Variants in CADM1 observed in about 807,000 individuals in gnomAD.
CADM1 encodes cell adhesion molecule 1, also known as TSLC-1.
Under a neutral mutation model 53.1 loss-of-function variants are expected in CADM1, and 15 were observed. That is an observed-to-expected ratio of 0.28 (90% confidence interval 0.19 to 0.44). CADM1 has a LOEUF of 0.44. Ranked by LOEUF, CADM1 falls within the 20% of genes least tolerant of loss-of-function variation. The pLI, the probability that CADM1 is intolerant of heterozygous loss-of-function variation, is 1.00. For synonymous variants in CADM1, 281 were observed against 243.0 expected (o/e 1.16, Z -1.45); for missense variants, 434 against 611.3 (o/e 0.71, Z 3.06).
intron 1 of CADM1, among the ~76,000 whole-genome samples, chr11:115,345,306 A>T (rs1945548012): frequency 6.6e-6 from 1 of 152,208 alleles, no homozygotes; most frequent in South Asian, 2.1e-4. Context: ...AAACCAGAGT[A>T]CAGCAATACA....
At chr11:115,275,218 C>T (rs188652758) in intron 1 of CADM1, among the ~76,000 whole-genome samples, 73 of 152,314 alleles carry the variant, frequency 4.8e-4, no homozygotes, top group Non-Finnish European at 7.3e-4. Context: ...CTCTCGCTCA[C>T]GTCCTCTCAC....
rs1943304588 is a variant in CADM1, at chr11:115,271,730, G to C, written c.125-31310C>G. Among the ~76,000 whole-genome samples, 4 of 152,296 alleles carry C rather than the reference G, an allele frequency of 2.6e-5. No individual in the cohort carries two copies. In the South Asian group the frequency reaches 8.3e-4, roughly 32 times the overall value. The stretch of plus-strand genomic sequence containing the variant: ...CTCAAGAGAGACTTTATAATACAAA[G>C]AGACTAAGGATTTTCAGGGCAGTTT... On this transcript the variant is annotated intron_variant, in intron 1 of 11. Coordinates refer to ENST00000331581, the MANE Select transcript of CADM1 (RefSeq NM_001301043.2).
chr11:115,251,436 C>T lies in CADM1; in HGVS notation c.125-11016G>A, dbSNP rs542459966. 1.3e-4 allele frequency among the ~76,000 whole-genome samples: 13 copies of T among 101,720 alleles called. No homozygotes were observed. The East Asian group carries it at 3.9e-3, about 30-fold the overall frequency. The allele number at this position is 101,720 out of a possible 152,430, so 66.7% of individuals were successfully genotyped here. A position where few individuals can be genotyped will look rare whatever the true frequency, so the allele number is the denominator to read the frequency against. On this transcript the variant is annotated intron_variant, in intron 1 of 11. Transcript: ENST00000331581. ...ATGTCAGTTTCAACTGACATTACTA[C>T]AGAAACAGAAAATTGGGAAGTGGGA...
chr11:115,434,965 A>G (rs1183856482), intron 1 of CADM1, among the ~76,000 whole-genome samples: 3 of 150,646 alleles, frequency 2.0e-5, no homozygotes, highest in Non-Finnish European at 3.0e-5. Context: ...GGTTCAAGCG[A>G]TTCTCCTGCC....
Position 115,504,277 on chromosome 11 carries a change from G to A in CADM1, c.118C>T (p.Pro40Ser), listed in dbSNP as rs1323262208. ...GGTCGGTGCCCACACCTACCTGTGGGGATCAGTGCCGCGGCGGAGAAGAGC... is the reference window on the plus strand; with the variant it reads ...GGTCGGTGCCCACACCTACCTGTGGAGATCAGTGCCGCGGCGGAGAAGAGC... ...LLLFSAAALI[P>S]TGDGQNLFTK... Residue 40 changes from proline (P) to serine (S), a missense_variant, in exon 1 of 12, where the codon CCC (proline) becomes TCC (serine). Transcript: ENST00000331581. 2.5e-6 allele frequency: 4 copies of A among 1,572,496 alleles called. No homozygotes were observed. The highest frequency in any genetic ancestry group is 2.7e-5 in the African/African-American group (2 of 73,896).
At chr11:115,305,214 A>G (rs1029121072) in intron 1 of CADM1, among the ~76,000 whole-genome samples, 8 of 151,962 alleles carry the variant, frequency 5.3e-5, no homozygotes, top group African/African-American at 1.7e-4. Context: ...GATAGAAAAA[A>G]ATTAGATTCT....
chr11:115,463,113 C>A (rs2135377203), intron 1 of CADM1, among the ~76,000 whole-genome samples: 1 of 152,136 alleles, frequency 6.6e-6, no homozygotes, highest in Middle Eastern at 3.4e-3. Context: ...AGACTCTCCC[C>A]AAAAAAATGC....
intron 1 of CADM1, among the ~76,000 whole-genome samples, chr11:115,475,796 G>C (rs1464028411): frequency 6.6e-6 from 1 of 152,168 alleles, no homozygotes; most frequent in Non-Finnish European, 1.5e-5. Flanking sequence ...TTTGACTAGA[G>C]AGAGACACCA....
intron 1 of CADM1, among the ~76,000 whole-genome samples, chr11:115,318,626 T>C (rs1944738568): frequency 6.6e-6 from 1 of 152,116 alleles, no homozygotes; most frequent in East Asian, 1.9e-4. Flanking sequence ...ATCTTGTAGA[T>C]AGTGAAGACG....
intron 1 of CADM1, among the ~76,000 whole-genome samples, chr11:115,274,549 T>A (rs1288503518): frequency 1.3e-5 from 2 of 152,212 alleles, no homozygotes; most frequent in East Asian, 3.9e-4. Context: ...AATGTTTCTG[T>A]CAGAGCCACT....
chr11:115,238,792 A>G (rs1942103164), intron 2 of CADM1, 140 bp from the exon 3 acceptor site: 1 of 824,168 alleles, frequency 1.2e-6, no homozygotes, highest in East Asian at 2.6e-5. Context: ...CATGTAGACA[A>G]ATAACCTTGT....
At chr11:115,251,652 C>T (rs1314495883) in intron 1 of CADM1, among the ~76,000 whole-genome samples, 1 of 152,168 alleles carries the variant, frequency 6.6e-6, no homozygotes, top group Non-Finnish European at 1.5e-5. Flanking sequence ...AATTTCTTAG[C>T]TGGAAAACTG....
intron 1 of CADM1, among the ~76,000 whole-genome samples, chr11:115,411,081 T>C (rs1947449163): frequency 6.6e-6 from 1 of 152,246 alleles, no homozygotes; most frequent in Non-Finnish European, 1.5e-5. Flanking sequence ...AGCTCTGCCA[T>C]GACTCTATGT....
Position 115,174,274 on chromosome 11 carries a change from T to G in CADM1, c.*2200A>C, listed in dbSNP as rs980224746. The G allele has an allele frequency of 1.6e-5, 15 of 920,220 alleles. No homozygotes were observed. Among genetic ancestry groups the G allele is most frequent in the Non-Finnish European group, 1.9e-5 (15 of 791,608 alleles). The allele number at this position is 920,220 out of a possible 1,614,324, so 57.0% of individuals were successfully genotyped here. On this transcript the variant is annotated 3_prime_UTR_variant, in exon 12 of 12. Transcript: ENST00000331581. ...CTGTGAGCAATGGTGTGATTTTTTT[T>G]TTTTGTTTTTGTTTTTGTTTTTCTT...
intron 1 of CADM1, among the ~76,000 whole-genome samples, chr11:115,468,997 G>GA (rs1252479697): frequency 1.3e-5 from 2 of 152,114 alleles, no homozygotes; most frequent in East Asian, 3.9e-4. Context: ...GAACAGTACA[G>GA]AAAAAAACCC....
At chr11:115,202,187 C>A (rs200197387) in intron 8 of CADM1, among the ~76,000 whole-genome samples, 5 of 148,144 alleles carry the variant, frequency 3.4e-5, no homozygotes, top group African/African-American at 4.9e-5. Flanking sequence ...AACTAAGTAG[C>A]AAAAAAAAAA....
At chr11:115,463,115 A>G (rs748014689) in intron 1 of CADM1, among the ~76,000 whole-genome samples, 1 of 152,180 alleles carries the variant, frequency 6.6e-6, no homozygotes, top group South Asian at 2.1e-4. Flanking sequence ...ACTCTCCCCA[A>G]AAAAATGCAT....
chr11:115,239,834 G>A (rs117463338), intron 2 of CADM1, among the ~76,000 whole-genome samples: 34 of 151,972 alleles, frequency 2.2e-4, no homozygotes, highest in Middle Eastern at 3.4e-3. Flanking sequence ...CATTTGGAAA[G>A]ATTTCAGCAT....
At chr11:115,321,165 A>G (rs982943823) in intron 1 of CADM1, among the ~76,000 whole-genome samples, 1 of 152,248 alleles carries the variant, frequency 6.6e-6, no homozygotes, top group East Asian at 1.9e-4. Context: ...TTTCAAAGAT[A>G]GTAAAGGGAA....
Sources: allele counts gnomAD v4.1 joint callset (sites outside exome capture counted in the v4.1 genomes callset), GRCh38; gene constraint gnomAD v4.1.1; transcripts MANE v1.5; gene names NCBI Gene and HGNC (gene_info 2026-07-23, HGNC 2026-07-21).